Variants in LRBA observed in about 807,000 individuals in gnomAD.
LRBA encodes the protein lipopolysaccharide-responsive and beige-like anchor protein.
In LRBA, 176 loss-of-function variants were observed where a neutral mutation model predicts 330.0. The ratio of observed to expected loss-of-function variants is 0.53; its 90% CI spans 0.47 to 0.60. The LOEUF (loss-of-function observed/expected upper bound fraction) is 0.60. LRBA is among the 20% of genes least tolerant of loss of function. The probability of loss-of-function intolerance (pLI) is 0.00; values close to 1 mark genes in which losing one functional copy is unlikely to be tolerated. For missense variants in LRBA, 3,259 were observed against 3,444.8 expected (o/e 0.95, Z 1.35); for synonymous variants, 1,230 against 1,193.0 (o/e 1.03, Z -0.64).
At chr4:150,468,993 T>G (rs1755779915) in intron 43 of LRBA, among the ~76,000 whole-genome samples, 1 of 152,020 alleles carries the variant, frequency 6.6e-6, no homozygotes, top group African/African-American at 2.4e-5. Context: ...CTATCAATAA[T>G]TTTAATTTCT....
intron 37 of LRBA, among the ~76,000 whole-genome samples, chr4:150,609,731 G>A (rs543744530): frequency 6.6e-6 from 1 of 152,132 alleles, no homozygotes; most frequent in South Asian, 2.1e-4. Context: ...AAATTTTGAC[G>A]ATGAAAGGAA....
At chr4:150,373,162 T>TGAGA (rs1385413027) in intron 47 of LRBA, among the ~76,000 whole-genome samples, 2 of 144,990 alleles carry the variant, frequency 1.4e-5, no homozygotes, top group African/African-American at 5.2e-5. Context: ...TGTGTGTGTG[T>TGAGA]GTGTGTGTGT....
At chr4:150,509,662 C>G (rs1176167268) in intron 40 of LRBA, among the ~76,000 whole-genome samples, 2 of 150,276 alleles carry the variant, frequency 1.3e-5, no homozygotes, top group South Asian at 4.2e-4. Context: ...ATTGATAAAC[C>G]TCTGACCAGA....
chr4:150,735,726 T>A (rs1171498027), intron 35 of LRBA, among the ~76,000 whole-genome samples: 1 of 152,192 alleles, frequency 6.6e-6, no homozygotes, highest in Admixed American at 6.6e-5. Context: ...TGTGACTTTT[T>A]ACATTAAGGC....
At chr4:150,493,861 G>A (rs1271468597) in intron 40 of LRBA, among the ~76,000 whole-genome samples, 1 of 152,108 alleles carries the variant, frequency 6.6e-6, no homozygotes, top group Non-Finnish European at 1.5e-5. Context: ...GCTGAGCTTT[G>A]GGAGGCCAAG....
Position 150,932,384 on chromosome 4 carries a change from T to G in LRBA, c.217-3319A>C, listed in dbSNP as rs377583076. 3.3e-5 allele frequency among the ~76,000 whole-genome samples: 5 copies of G among 150,680 alleles called. No individual in the cohort carries two copies. The South Asian group carries it at 6.3e-4, about 19-fold the overall frequency. On this transcript the variant is annotated intron_variant, in intron 2 of 56. Coordinates refer to ENST00000651943, the MANE Select transcript of LRBA (RefSeq NM_001364905.1). ...GTGTTAAAAAAAAAAAAAAGAAAAT[T>G]TAGGCAAAGGCAATGAACAAAAAGG...
intron 2 of LRBA, among the ~76,000 whole-genome samples, chr4:150,942,172 A>G (rs1041795465): frequency 2.6e-5 from 4 of 152,176 alleles, no homozygotes; most frequent in African/African-American, 9.6e-5. Context: ...TTAGGACCCA[A>G]TTTGAATTCT....
chr4:150,501,163 A>G (rs1422043683), intron 40 of LRBA, among the ~76,000 whole-genome samples: 4 of 152,160 alleles, frequency 2.6e-5, no homozygotes, highest in Non-Finnish European at 4.4e-5. Context: ...GTAACTCCAT[A>G]TTGTTGCACA....
At chr4:151,002,285 G>T (rs1014249600) in intron 2 of LRBA, among the ~76,000 whole-genome samples, 6 of 147,088 alleles carry the variant, frequency 4.1e-5, no homozygotes, top group Non-Finnish European at 1.5e-5. Flanking sequence ...CAAATTTACA[G>T]GCCAGGCACG....
At chr4:150,432,711 T>C (rs1258527173) in intron 46 of LRBA, among the ~76,000 whole-genome samples, 1 of 151,868 alleles carries the variant, frequency 6.6e-6, no homozygotes, top group East Asian at 1.9e-4. Flanking sequence ...TCTCAAAGTG[T>C]TAAGTGTGTT....
intron 40 of LRBA, among the ~76,000 whole-genome samples, chr4:150,530,462 T>A (rs535913116): frequency 6.6e-6 from 1 of 152,340 alleles, no homozygotes; most frequent in South Asian, 2.1e-4. Flanking sequence ...CACATCCATG[T>A]GCCTGAGGGA....
At chr4:150,781,199 T>C (rs569377977) in intron 34 of LRBA, among the ~76,000 whole-genome samples, 10 of 152,316 alleles carry the variant, frequency 6.6e-5, no homozygotes, top group Non-Finnish European at 1.2e-4. Flanking sequence ...TTTTTATTAC[T>C]ACATTGTACT....
intron 47 of LRBA, among the ~76,000 whole-genome samples, chr4:150,379,163 T>C (rs1206394938): frequency 3.3e-5 from 5 of 151,250 alleles, no homozygotes; most frequent in African/African-American, 4.9e-5. Flanking sequence ...ATTAGCTAGG[T>C]GTGGTGGCGG....
Position 150,422,274 on chromosome 4 carries a change from A to C in LRBA, c.7042-6684T>G, listed in dbSNP as rs573005481. On this transcript the variant is annotated intron_variant, in intron 46 of 56. Coordinates refer to ENST00000651943, the MANE Select transcript of LRBA (RefSeq NM_001364905.1). ...AGACCTTGTCTCAAAACAAAAACCC[A>C]AAAAACCCCCCATCATCTGCAAAGC... Among the ~76,000 whole-genome samples, 7 of 152,134 alleles carry C rather than the reference A, an allele frequency of 4.6e-5. No individual in the cohort carries two copies. In the South Asian group the frequency reaches 1.2e-3, roughly 27 times the overall value.
chr4:150,602,351 C>T (rs1163725295), intron 37 of LRBA, among the ~76,000 whole-genome samples: 1 of 152,142 alleles, frequency 6.6e-6, no homozygotes, highest in Non-Finnish European at 1.5e-5. Flanking sequence ...GAGAAAATAG[C>T]ATTTATCACC....
chr4:150,653,085 G>A (rs1031202673), intron 37 of LRBA, among the ~76,000 whole-genome samples: 1 of 152,140 alleles, frequency 6.6e-6, no homozygotes, highest in Non-Finnish European at 1.5e-5. Flanking sequence ...GCTCACAGCT[G>A]TAATTCCAGC....
intron 2 of LRBA, among the ~76,000 whole-genome samples, chr4:151,005,740 G>T (rs1368509934): frequency 6.6e-6 from 1 of 151,488 alleles, no homozygotes; most frequent in East Asian, 2.0e-4. Flanking sequence ...TAGTAACTGG[G>T]ACTACAGGTG....
chr4:150,929,805 ATAAATTTTTTTAAATT>A (rs1468943085), intron 2 of LRBA, among the ~76,000 whole-genome samples: 1 of 152,072 alleles, frequency 6.6e-6, no homozygotes, highest in Admixed American at 6.5e-5. Context: ...GATTTTTTAA[ATAAATTTTTTTAAATT>A]TAAATTTTTT....
At chr4:150,428,632 A>G (rs1000082869) in intron 46 of LRBA, among the ~76,000 whole-genome samples, 1 of 152,108 alleles carries the variant, frequency 6.6e-6, no homozygotes, top group Non-Finnish European at 1.5e-5. Context: ...TGTCCCTTAC[A>G]GTCAACCAAA....
Sources: allele counts gnomAD v4.1 joint callset (sites outside exome capture counted in the v4.1 genomes callset), GRCh38; gene constraint gnomAD v4.1.1; transcripts MANE v1.5; gene names NCBI Gene and HGNC (gene_info 2026-07-23, HGNC 2026-07-21).